Variants in MRTFB observed in about 807,000 individuals in gnomAD.
MRTFB encodes the protein myocardin related transcription factor B.
In MRTFB, 29 loss-of-function variants were observed where a neutral mutation model predicts 104.2. The ratio of observed to expected loss-of-function variants is 0.28; its 90% confidence interval spans 0.21 to 0.38. MRTFB has a LOEUF of 0.38. Ranked by LOEUF, MRTFB falls within the 10% of genes least tolerant of loss-of-function variation. The pLI is 1.00. For synonymous variants in MRTFB, 535 were observed against 519.5 expected, an observed-to-expected ratio of 1.03 and a Z score of -0.41; for missense variants, 1,270 against 1,341.6, an observed-to-expected ratio of 0.95 and a Z score of 0.83.
intron 3 of MRTFB, among the ~76,000 whole-genome samples, chr16:14,208,275 G>A (rs978110566): frequency 6.6e-6 from 1 of 152,212 alleles, no homozygotes; most frequent in African/African-American, 2.4e-5. Context: ...GGACTAACCA[G>A]CTGTTGTCAT....
intron 2 of MRTFB, among the ~76,000 whole-genome samples, chr16:14,112,242 C>T (rs1046336009): frequency 3.9e-5 from 6 of 152,038 alleles, no homozygotes; most frequent in Non-Finnish European, 5.9e-5. Context: ...GTGGGATTAA[C>T]GGATTGTTGG....
At chr16:14,108,801 T>G (rs1446840224) in intron 2 of MRTFB, among the ~76,000 whole-genome samples, 1 of 152,238 alleles carries the variant, frequency 6.6e-6, no homozygotes, top group African/African-American at 2.4e-5. Flanking sequence ...CAAAATGATT[T>G]CATGATGATA....
At chr16:14,188,629 C>A (rs2040046056) in intron 3 of MRTFB, among the ~76,000 whole-genome samples, 1 of 152,104 alleles carries the variant, frequency 6.6e-6, no homozygotes, top group South Asian at 2.1e-4. Flanking sequence ...ACAGCATAGA[C>A]CCTGGAGTGA....
chr16:14,237,738 G>A (rs1381572602), intron 9 of MRTFB, among the ~76,000 whole-genome samples: 4 of 152,134 alleles, frequency 2.6e-5, no homozygotes, highest in Admixed American at 6.5e-5. Flanking sequence ...GAAGGAAAAC[G>A]CAGAGTCTCG....
intron 3 of MRTFB, chr16:14,199,971 T>C (rs2040608568): frequency 3.9e-6 from 1 of 258,414 alleles, no homozygotes; most frequent in South Asian, 6.2e-5. Flanking sequence ...TCTTTGTTTC[T>C]GAATTTAAAT....
At position 14,260,924 on chromosome 16, in the gene MRTFB, T is replaced by A; in HGVS notation, c.2780T>A (p.Ile927Lys). 1 of 1,604,350 alleles carries A rather than the reference T, an allele frequency of 6.2e-7. No homozygotes were observed. The highest frequency in any genetic ancestry group is 1.7e-5 in the Admixed American group (1 of 58,854). ...TTTTACACAGAGATCTCCCTCCCCATAAAAGAAGAACCTTCTCCTATTTCC... is the reference window on the plus strand; with the variant it reads ...TTTTACACAGAGATCTCCCTCCCCAAAAAAGAAGAACCTTCTCCTATTTCC... ...LIKSGEISLPIKEEPSPISKM... is the reference protein window; with the variant it reads ...LIKSGEISLPKKEEPSPISKM... The change falls in exon 17 of 17, where the codon ATA becomes AAA. Residue 927 changes from isoleucine to lysine, a missense_variant. By Grantham distance (102) the Ile-to-Lys change is moderately radical. Around this residue, in one of 3 missense-constraint regions of MRTFB, gnomAD observed 1,144 missense variants for 1,131.5 expected, o/e 1.01. Transcript: ENST00000571589.
chr16:14,074,127 T>TA, intron 1 of MRTFB, among the ~76,000 whole-genome samples: 2 of 152,314 alleles, frequency 1.3e-5, no homozygotes, highest in South Asian at 4.1e-4. Flanking sequence ...AGTTGCGTGT[T>TA]ACGTTTGAAA....
At position 14,177,893 on chromosome 16, in the gene MRTFB, C is replaced by G. The variant is rs981109669; in HGVS notation, c.155-32350C>G. 2.4e-5 allele frequency among the ~76,000 whole-genome samples: 3 copies of G among 125,804 alleles called. No individual in the cohort carries two copies. Among genetic ancestry groups the G allele is most frequent in the African/African-American group, 6.3e-5 (2 of 31,758 alleles). 82.5% of individuals were successfully genotyped at this position (125,804 alleles called of 152,430 possible). A position where few individuals can be genotyped will look rare whatever the true frequency, so the allele number is the denominator to read the frequency against. On this transcript the variant is annotated intron_variant, in intron 3 of 16. Transcript: ENST00000571589. The surrounding 1 kb of genome is among the most constrained non-coding windows in gnomAD (Gnocchi z 4.7). ...ATTTAGAAAGCGAGAAGTACATGAA[C>G]CAGAGGTAGGGTGTGTGTGTGTGTG...
Position 14,263,535 on chromosome 16 carries a change from C to T in MRTFB, c.*2091C>T, listed in dbSNP as rs74657910. 3 of 152,226 alleles carry T rather than the reference C, an allele frequency of 2.0e-5. No homozygotes were observed. Among genetic ancestry groups the T allele is most frequent in the East Asian group, 3.9e-4 (2 of 5,180 alleles). 9.4% of individuals were successfully genotyped at this position (152,226 alleles called of 1,614,324 possible). A position where few individuals can be genotyped will look rare whatever the true frequency, so the allele number is the denominator to read the frequency against. ...TATCAGTGGGACTGTAGAAGGTAAC[C>T]GAACACTAGTACCATTGACTCTCGT... On this transcript the variant is annotated 3_prime_UTR_variant, in exon 17 of 17. Coordinates refer to ENST00000571589, the MANE Select transcript of MRTFB (RefSeq NM_001308142.2).
chr16:14,221,091 T>A (rs771322562), intron 8 of MRTFB, among the ~76,000 whole-genome samples: 1 of 152,188 alleles, frequency 6.6e-6, no homozygotes, highest in Admixed American at 6.5e-5. Flanking sequence ...AATTCTTAAG[T>A]AGGATTATTA....
intron 1 of MRTFB, among the ~76,000 whole-genome samples, chr16:14,074,833 C>T (rs1330181408): frequency 6.6e-6 from 1 of 152,110 alleles, no homozygotes; most frequent in Non-Finnish European, 1.5e-5. Context: ...GAGATTTTCC[C>T]TTTATGTAAA....
Position 14,251,857 on chromosome 16 carries a change from T to TA in MRTFB, c.2404-4dup, listed in dbSNP as rs1395485115. On this transcript the variant is annotated splice_region_variant and splice_polypyrimidine_tract_variant and intron_variant, in intron 13 of 16. Coordinates refer to ENST00000571589, the MANE Select transcript of MRTFB (RefSeq NM_001308142.2). ...AATTAATGGAGAAACATTTATTCAT[T>TA]ACAGGTTTTCACAAACTCAGCATCA... 6.2e-7 allele frequency: 1 copy of TA among 1,613,534 alleles called. No individual in the cohort carries two copies. The highest frequency in any genetic ancestry group is 2.2e-5 in the East Asian group (1 of 44,892).
intron 3 of MRTFB, chr16:14,187,147 T>A: frequency 1.2e-6 from 1 of 808,844 alleles, no homozygotes; most frequent in Non-Finnish European, 1.9e-6. Context: ...TTCACTCATG[T>A]ACCTTACACA....
chr16:14,077,590 A>G (rs2034139973), intron 1 of MRTFB, among the ~76,000 whole-genome samples: 1 of 152,012 alleles, frequency 6.6e-6, no homozygotes, highest in South Asian at 2.1e-4. Flanking sequence ...TAGTTCCAGA[A>G]AACACTTTTT....
intron 6 of MRTFB, 79 bp from the exon 7 acceptor site, chr16:14,217,047 C>G (rs1043800052): frequency 1.4e-6 from 2 of 1,395,722 alleles, no homozygotes; most frequent in Non-Finnish European, 1.9e-6. Flanking sequence ...AGTTTAAATT[C>G]AGTTTGTTGG....
chr16:14,031,511 T>A, the MRTFB span, among the ~76,000 whole-genome samples: 41 of 152,290 alleles, frequency 2.7e-4, no homozygotes, highest in African/African-American at 9.6e-4. Context: ...GATCCATGAT[T>A]AAATGAGTAT....
intron 2 of MRTFB, among the ~76,000 whole-genome samples, chr16:14,098,939 T>C (rs1188505523): frequency 6.6e-6 from 1 of 152,264 alleles, no homozygotes; most frequent in Non-Finnish European, 1.5e-5. Flanking sequence ...ATTAATCTAT[T>C]TGTCTTCACA....
intron 9 of MRTFB, among the ~76,000 whole-genome samples, chr16:14,235,907 G>T (rs879896035): frequency 6.6e-6 from 1 of 152,226 alleles, no homozygotes; most frequent in Non-Finnish European, 1.5e-5. Flanking sequence ...ATAGCCAGGT[G>T]CAGTGGCTCA....
intron 2 of MRTFB, among the ~76,000 whole-genome samples, chr16:14,097,854 C>G (rs889949048): frequency 3.3e-5 from 5 of 152,172 alleles, no homozygotes; most frequent in Admixed American, 2.0e-4. Flanking sequence ...CTTTGTTTGA[C>G]TTCTTTCAGT....
Sources: allele counts gnomAD v4.1 joint callset (sites outside exome capture counted in the v4.1 genomes callset), GRCh38; gene constraint gnomAD v4.1.1; regional missense constraint gnomAD v4.1.1; non-coding constraint Gnocchi (gnomAD v3.1); transcripts MANE v1.5; gene names NCBI Gene and HGNC (gene_info 2026-07-23, HGNC 2026-07-21).